DBN1: variants seen among roughly 807,000 people sequenced by gnomAD.
DBN1 encodes the protein drebrin.
In DBN1, 21 loss-of-function variants were observed where a neutral mutation model predicts 83.5. The observed-to-expected ratio is 0.25, with a 90% CI of 0.18 to 0.36. DBN1 has a LOEUF of 0.36. Ranked by LOEUF, DBN1 falls within the 10% of genes least tolerant of loss-of-function variation. The pLI, the probability that DBN1 is intolerant of heterozygous loss-of-function variation, is 1.00. For missense variants in DBN1, 874 were observed against 935.7 expected, an observed-to-expected ratio of 0.93 and a Z score of 0.86; for synonymous variants, 381 against 384.9, an observed-to-expected ratio of 0.99 and a Z score of 0.12.
rs75430270 is a variant in DBN1, at chr5:177,468,104, A to G, written c.255+4T>C. ...AGCCCCCTTCCCCAGCCCCGGCCGC[A>G]TACCCAGTTGATGAGCACGTATTTT... On this transcript the variant is annotated splice_donor_region_variant and intron_variant, in intron 3 of 14. Coordinates refer to ENST00000393565, the MANE Select transcript of DBN1 (RefSeq NM_001363541.2). The G allele has an allele frequency of 3.4e-5, 55 of 1,602,578 alleles. No homozygotes were observed. The African/African-American group carries it at 5.2e-4, about 15-fold the overall frequency.
chr5:177,462,792 AG>A (rs1224421606), intron 8 of DBN1, among the ~76,000 whole-genome samples: 1 of 152,140 alleles, frequency 6.6e-6, no homozygotes, highest in African/African-American at 2.4e-5. Flanking sequence ...CCACCTCAGG[AG>A]GGCTATCACC....
At chr5:177,465,297 G>C (rs553748401) in intron 8 of DBN1, among the ~76,000 whole-genome samples, 3 of 152,258 alleles carry the variant, frequency 2.0e-5, no homozygotes, top group Non-Finnish European at 4.4e-5. Flanking sequence ...TGAATCTTAA[G>C]GACATCATGC....
At chr5:177,460,316 G>A in intron 10 of DBN1, 116 bp downstream of exon 10, 1 of 1,475,804 alleles carries the variant, frequency 6.8e-7, no homozygotes. Context: ...TGGATGAAGG[G>A]TCTCGCCTTC....
In DBN1 at chr5:177,466,038, A is replaced by C. The variant is rs1159856442; in HGVS notation, c.771+734T>G. Among the ~76,000 whole-genome samples the C allele has an allele frequency of 6.6e-6, 1 of 151,972 alleles. No individual in the cohort carries two copies. The highest frequency in any genetic ancestry group is 1.5e-5 in the Non-Finnish European group (1 of 67,976). On this transcript the variant is annotated intron_variant, in intron 8 of 14. Coordinates refer to ENST00000393565, the MANE Select transcript of DBN1 (RefSeq NM_001363541.2). This position sits in a 1 kb window ranked among gnomAD's most constrained non-coding sequence, Gnocchi z 4.8. Reference sequence around the variant, plus strand: ...GGGCAGATGTGACTGGAGTGACTTAATGCTGCTGCCTGCAGGACTGTCTTG... The same window carrying C: ...GGGCAGATGTGACTGGAGTGACTTACTGCTGCTGCCTGCAGGACTGTCTTG...
At position 177,457,033 on chromosome 5, in the gene DBN1, T is replaced by G; in HGVS notation, c.*400A>C. On this transcript the variant is annotated 3_prime_UTR_variant, in exon 15 of 15. Coordinates refer to ENST00000393565, the MANE Select transcript of DBN1 (RefSeq NM_001363541.2). The stretch of plus-strand genomic sequence containing the variant: ...CAAAGTGATATTTTCCCAAGAAACA[T>G]AAAACTAGGAAAAGAGGTGGGGGAC... 4.7e-6 allele frequency: 1 copy of G among 210,678 alleles called. No homozygotes were observed. Among genetic ancestry groups the G allele is most frequent in the South Asian group, 8.1e-5 (1 of 12,278 alleles). 13.1% of individuals were successfully genotyped at this position (210,678 alleles called of 1,614,324 possible).
chr5:177,463,245 G>A (rs1757176237), intron 8 of DBN1, among the ~76,000 whole-genome samples: 2 of 152,172 alleles, frequency 1.3e-5, no homozygotes, highest in South Asian at 4.1e-4. Context: ...CACCATGTTA[G>A]CCAGGATGGT....
Position 177,459,679 on chromosome 5 carries a change from G to C in DBN1, c.1017C>G (p.Ser339=). The change falls in exon 11 of 15, where the codon TCC becomes TCG. Residue 339 remains serine (S), a synonymous_variant. Coordinates refer to ENST00000393565, the MANE Select transcript of DBN1 (RefSeq NM_001363541.2). The stretch of plus-strand genomic sequence containing the variant: ...AGGGAGTCCGTGGAGGGGAGGAGGA[G>C]GAAGAGGAGGAGGAGGAAGGCCCAC... ...SDSGPSSSSS[S]SSSPPRTPFP... 2 of 1,592,728 alleles carry C rather than the reference G, an allele frequency of 1.3e-6. No individual in the cohort carries two copies. Among genetic ancestry groups the C allele is most frequent in the Non-Finnish European group, 1.7e-6 (2 of 1,170,016 alleles).
At chr5:177,464,957 A>G (rs1444548445) in intron 8 of DBN1, among the ~76,000 whole-genome samples, 1 of 152,034 alleles carries the variant, frequency 6.6e-6, no homozygotes, top group South Asian at 2.1e-4. Flanking sequence ...GATCGAGACC[A>G]CCCTGGCTAA....
Position 177,466,085 on chromosome 5 carries a change from G to A in DBN1, c.771+687C>T, listed in dbSNP as rs1488393637. On this transcript the variant is annotated intron_variant, in intron 8 of 14. Transcript: ENST00000393565. The surrounding 1 kb of genome is among the most constrained non-coding windows in gnomAD (Gnocchi z 4.8). Reference sequence around the variant, plus strand: ...CTTGCCTCCTCTCTCTCAGCCTCCTGTGGGTGACTCCGGAGCCCGTTTGAG... The same window carrying A: ...CTTGCCTCCTCTCTCTCAGCCTCCTATGGGTGACTCCGGAGCCCGTTTGAG... Among the ~76,000 whole-genome samples the A allele has an allele frequency of 6.6e-6, 1 of 152,062 alleles. No individual in the cohort carries two copies. The highest frequency in any genetic ancestry group is 1.5e-5 in the Non-Finnish European group (1 of 68,010).
chr5:177,459,307 G>A, intron 11 of DBN1, 39 bp from the exon 12 acceptor site: 3 of 1,590,774 alleles, frequency 1.9e-6, no homozygotes, highest in Non-Finnish European at 2.5e-6. Flanking sequence ...GAGGGCGGGG[G>A]AGCCGGGTGA....
chr5:177,467,848 G>T lies in DBN1; in HGVS notation c.256-31C>A. On this transcript the variant is annotated intron_variant, in intron 3 of 14. Transcript: ENST00000393565. This position sits in a 1 kb window ranked among gnomAD's most constrained non-coding sequence, Gnocchi z 9.1. ...AAGTACCCAGCAAAGAGGGGGTCAG[G>T]AAAGGACAAGGGGGGCCCTACACGA... 1 of 1,579,068 alleles carries T rather than the reference G, an allele frequency of 6.3e-7. No individual in the cohort carries two copies. The highest frequency in any genetic ancestry group is 8.6e-7 in the Non-Finnish European group (1 of 1,162,610).
At position 177,466,641 on chromosome 5, in the gene DBN1, C is replaced by T. The variant is rs1233240630; in HGVS notation, c.771+131G>A. On this transcript the variant is annotated intron_variant, in intron 8 of 14. Coordinates refer to ENST00000393565, the MANE Select transcript of DBN1 (RefSeq NM_001363541.2). The surrounding 1 kb of genome is among the most constrained non-coding windows in gnomAD (Gnocchi z 4.8). The stretch of plus-strand genomic sequence containing the variant: ...GCCAGGCCTCATGCTCCATGGCACC[C>T]TGTGCCCATGCAGCTCCCCAGAACA... 2.9e-6 allele frequency: 3 copies of T among 1,033,000 alleles called. No individual in the cohort carries two copies. Among genetic ancestry groups the T allele is most frequent in the Non-Finnish European group, 4.6e-6 (3 of 658,190 alleles). The allele number at this position is 1,033,000 out of a possible 1,614,324, so 64.0% of individuals were successfully genotyped here. A position where few individuals can be genotyped will look rare whatever the true frequency, so the allele number is the denominator to read the frequency against.
intron 1 of DBN1, 121 bp downstream of exon 1, chr5:177,473,315 C>A: frequency 1.9e-6 from 1 of 532,366 alleles, no homozygotes; most frequent in Non-Finnish European, 2.9e-6. Context: ...CCCTCCCGGC[C>A]CGCTGCACCA....
In DBN1 at chr5:177,458,529, G is replaced by A. The variant is rs547029102; in HGVS notation, c.1443C>T (p.Pro481=). The change falls in exon 13 of 15, where the codon CCC becomes CCT. Residue 481 remains proline, a synonymous_variant. Coordinates refer to ENST00000393565, the MANE Select transcript of DBN1 (RefSeq NM_001363541.2). ...ESAEQAVLAA[P]VEPATADATE... ...TGGCGTCAGCTGTGGCAGGCTCCAC[G>A]GGAGCAGCCAGGACAGCCTGCTCTG... The A allele has an allele frequency of 1.3e-4, 209 of 1,614,140 alleles. 1 individual carries two copies. In the South Asian group the frequency reaches 1.8e-3, roughly 14 times the overall value.
intron 1 of DBN1, 56 bp downstream of exon 1, chr5:177,473,380 A>G (rs1757991140): frequency 2.9e-6 from 3 of 1,049,884 alleles, no homozygotes; most frequent in Non-Finnish European, 2.6e-6. Context: ...GAGAGAAACA[A>G]AGGCGCGGCG....
At chr5:177,469,329 G>A (rs551292076) in intron 1 of DBN1, among the ~76,000 whole-genome samples, 2 of 152,054 alleles carry the variant, frequency 1.3e-5, no homozygotes, top group East Asian at 1.9e-4. Flanking sequence ...CCCCGGGGAG[G>A]GAGGAGGAGA....
chr5:177,460,407 G>C (rs778917014), intron 10 of DBN1, 25 bp downstream of exon 10: 11 of 1,612,720 alleles, frequency 6.8e-6, no homozygotes, highest in Non-Finnish European at 9.3e-6. Context: ...AGTGGGGCCG[G>C]ACGGGGGGTG....
intron 1 of DBN1, chr5:177,472,327 T>C: frequency 2.0e-6 from 3 of 1,522,674 alleles, no homozygotes; most frequent in Middle Eastern, 1.7e-4. Context: ...TTTGCCTCAG[T>C]TTCCTCAAGA....
At position 177,460,802 on chromosome 5, in the gene DBN1, C is replaced by T. The variant is rs368551476; in HGVS notation, c.772-99G>A. On this transcript the variant is annotated intron_variant, in intron 8 of 14. Transcript: ENST00000393565. ...TTATTTATTGATTTTGTTTTTAAGA[C>T]AGGTTCTCGCCCTACCACCCAGGCT... is the stretch of plus-strand genomic sequence containing the variant. The T allele has an allele frequency of 2.2e-4, 280 of 1,255,002 alleles. 4 individuals are homozygous for T. In the East Asian group the frequency reaches 5.7e-3, roughly 26 times the overall value. 77.7% of individuals were successfully genotyped at this position (1,255,002 alleles called of 1,614,324 possible).
Sources: allele counts gnomAD v4.1 joint callset (sites outside exome capture counted in the v4.1 genomes callset), GRCh38; gene constraint gnomAD v4.1.1; non-coding constraint Gnocchi (gnomAD v3.1); transcripts MANE v1.5; gene names NCBI Gene and HGNC (gene_info 2026-07-23, HGNC 2026-07-21).